Variants in SPON1 observed in about 807,000 individuals in gnomAD.
The protein encoded by SPON1 is spondin 1, also known as spondin-1.
A neutral mutation model predicts 111.7 loss-of-function variants in SPON1; 52 were observed. The ratio of observed to expected loss-of-function variants is 0.47; its 90% confidence interval spans 0.37 to 0.59. The LOEUF (loss-of-function observed/expected upper bound fraction) is 0.59, where lower values mean the gene tolerates loss of function less well. SPON1 is among the 20% of genes least tolerant of loss of function. SPON1 has a pLI of 0.00. For synonymous variants in SPON1, 410 were observed against 395.8 expected (o/e 1.04, Z -0.43); for missense variants, 957 against 1,068.5 (o/e 0.90, Z 1.46).
At chr11:14,249,726 G>A (rs781952389) in intron 7 of SPON1, among the ~76,000 whole-genome samples, 1 of 152,142 alleles carries the variant, frequency 6.6e-6, no homozygotes, top group Admixed American at 6.5e-5. Context: ...CTTTTATGGT[G>A]TTTTGGAACA....
chr11:14,255,501 G>T (rs547823529), intron 8 of SPON1, 146 bp from the exon 9 acceptor site: 1 of 689,896 alleles, frequency 1.4e-6, no homozygotes, highest in South Asian at 2.0e-5. Flanking sequence ...ACAGTATGTG[G>T]CATGAACACA....
intron 5 of SPON1, among the ~76,000 whole-genome samples, chr11:14,088,815 A>C (rs1245068793): frequency 6.6e-6 from 1 of 151,590 alleles, no homozygotes; most frequent in Non-Finnish European, 1.5e-5. Flanking sequence ...TATTTCTTAG[A>C]GGCTGTGTTC....
intron 6 of SPON1, among the ~76,000 whole-genome samples, chr11:14,188,744 T>C (rs1475642866): frequency 6.6e-6 from 1 of 152,212 alleles, no homozygotes; most frequent in Non-Finnish European, 1.5e-5. Flanking sequence ...CCATGTGACC[T>C]TGGGAAAGTC....
intron 6 of SPON1, among the ~76,000 whole-genome samples, chr11:14,190,849 C>T (rs1406210399): frequency 6.6e-6 from 1 of 151,922 alleles, no homozygotes; most frequent in East Asian, 1.9e-4. Context: ...CCACCTTGAC[C>T]AGGCTGTTCT....
chr11:13,974,612 G>C (rs897596165), intron 1 of SPON1, among the ~76,000 whole-genome samples: 1 of 152,166 alleles, frequency 6.6e-6, no homozygotes, highest in Non-Finnish European at 1.5e-5. Context: ...TTGAGGCCAG[G>C]CTCTAGTGTG....
Position 14,167,451 on chromosome 11 carries a change from G to A in SPON1, c.825+31883G>A, listed in dbSNP as rs75955467. On this transcript the variant is annotated intron_variant, in intron 6 of 15. Coordinates refer to ENST00000576479, the MANE Select transcript of SPON1 (RefSeq NM_006108.4). Reference sequence around the variant, plus strand: ...CAATAAAGATAGCATGAGGCCAGCTGAATTTGTCTCTTCTCTCTCCTCCCC... The same window carrying A: ...CAATAAAGATAGCATGAGGCCAGCTAAATTTGTCTCTTCTCTCTCCTCCCC... 9.7e-3 allele frequency among the ~76,000 whole-genome samples: 1,473 copies of A among 152,056 alleles called. 15 individuals are homozygous for A. Among genetic ancestry groups the A allele is most frequent in the African/African-American group, 0.034 (1,417 of 41,514 alleles).
At position 14,205,748 on chromosome 11, in the gene SPON1, G is replaced by GTT. The variant is rs572833336; in HGVS notation, c.826-37582_826-37581dup. Among the ~76,000 whole-genome samples, 78 of 152,236 alleles carry GTT rather than the reference G, an allele frequency of 5.1e-4. 1 individual carries two copies. Among genetic ancestry groups the GTT allele is most frequent in the African/African-American group, 1.8e-3 (73 of 41,532 alleles). ...TTCCTGTTGTCTGTGGAGTTCAGAGGTTTCTAGGACACCTCCAATGCTAAG... is the reference window on the plus strand; with the variant it reads ...TTCCTGTTGTCTGTGGAGTTCAGAGGTTTTTCTAGGACACCTCCAATGCTAAG... On this transcript the variant is annotated intron_variant, in intron 6 of 15. Coordinates refer to ENST00000576479, the MANE Select transcript of SPON1 (RefSeq NM_006108.4).
chr11:14,089,948 C>A (rs1219105007), intron 5 of SPON1, among the ~76,000 whole-genome samples: 3 of 152,120 alleles, frequency 2.0e-5, no homozygotes, highest in African/African-American at 7.2e-5. Context: ...TTAGCACTGT[C>A]GGGGAAAACT....
chr11:14,210,163 C>A (rs1160290634), intron 6 of SPON1, among the ~76,000 whole-genome samples: 1 of 152,058 alleles, frequency 6.6e-6, no homozygotes, highest in Middle Eastern at 3.2e-3. Flanking sequence ...GGATATTAGA[C>A]CTTTGTCAGA....
intron 5 of SPON1, among the ~76,000 whole-genome samples, chr11:14,098,046 A>G (rs1015573117): frequency 6.6e-6 from 1 of 152,288 alleles, no homozygotes; most frequent in Middle Eastern, 3.4e-3. Context: ...CCCAGGCTGG[A>G]GTGCAGTGGC....
chr11:14,002,471 A>G (rs991759732), intron 2 of SPON1, among the ~76,000 whole-genome samples: 2 of 152,144 alleles, frequency 1.3e-5, no homozygotes, highest in Non-Finnish European at 2.9e-5. Context: ...ATGTTTTTCA[A>G]GTAGACAGAG....
intron 5 of SPON1, among the ~76,000 whole-genome samples, chr11:14,080,616 A>G (rs1446456622): frequency 6.6e-6 from 1 of 152,298 alleles, no homozygotes; most frequent in African/African-American, 2.4e-5. Flanking sequence ...GGTAACCTCA[A>G]TCCCCCTGCA....
intron 6 of SPON1, among the ~76,000 whole-genome samples, chr11:14,178,315 G>A (rs553828241): frequency 1.7e-4 from 26 of 151,968 alleles, no homozygotes; most frequent in Non-Finnish European, 2.8e-4. Flanking sequence ...CCAGCTACTC[G>A]GGAGACTGAG....
chr11:14,120,291 A>G (rs782191086), intron 5 of SPON1, among the ~76,000 whole-genome samples: 4 of 152,192 alleles, frequency 2.6e-5, no homozygotes, highest in Non-Finnish European at 5.9e-5. Flanking sequence ...AAGAGCCTCC[A>G]ACCCTGATTC....
intron 6 of SPON1, among the ~76,000 whole-genome samples, chr11:14,181,575 G>A (rs1848235070): frequency 6.6e-6 from 1 of 152,220 alleles, no homozygotes; most frequent in South Asian, 2.1e-4. Context: ...TTGTTCCTGG[G>A]AATAAATGTA....
intron 3 of SPON1, among the ~76,000 whole-genome samples, chr11:14,072,830 T>G (rs2133828725): frequency 1.3e-5 from 2 of 152,228 alleles, no homozygotes; most frequent in South Asian, 4.1e-4. Context: ...AGAGCAGATC[T>G]GATCATCTTA....
At chr11:14,139,806 G>A (rs1432556910) in intron 6 of SPON1, among the ~76,000 whole-genome samples, 2 of 151,906 alleles carry the variant, frequency 1.3e-5, no homozygotes, top group African/African-American at 4.8e-5. Flanking sequence ...AGATAAACCG[G>A]TCAGGGAAAG....
intron 6 of SPON1, among the ~76,000 whole-genome samples, chr11:14,192,007 A>T (rs1848351780): frequency 6.6e-6 from 1 of 152,170 alleles, no homozygotes; most frequent in African/African-American, 2.4e-5. Context: ...AGTAAGAATG[A>T]TCAACCAAAA....
chr11:14,021,571 C>G (rs899807924), intron 2 of SPON1, among the ~76,000 whole-genome samples: 1 of 152,186 alleles, frequency 6.6e-6, no homozygotes, highest in African/African-American at 2.4e-5. Context: ...CCCAAACAGG[C>G]TGAATCTGAG....
Sources: allele counts gnomAD v4.1 joint callset (sites outside exome capture counted in the v4.1 genomes callset), GRCh38; gene constraint gnomAD v4.1.1; transcripts MANE v1.5; gene names NCBI Gene and HGNC (gene_info 2026-07-23, HGNC 2026-07-21).